Variants in CDC20B observed in about 807,000 individuals in gnomAD.
CDC20B encodes the protein cell division cycle protein 20 homolog B.
A neutral mutation model predicts 64.1 loss-of-function variants in CDC20B; 58 were observed. The observed-to-expected ratio is 0.90, with a 90% CI of 0.73 to 1.13. CDC20B has a LOEUF of 1.13. Among genes scored for constraint, CDC20B ranks in the 50% most tolerant of loss-of-function variants. CDC20B has a pLI of 0.00. For synonymous variants in CDC20B, 243 were observed against 230.6 expected, an observed-to-expected ratio of 1.05 and a Z score of -0.49; for missense variants, 597 against 633.0, an observed-to-expected ratio of 0.94 and a Z score of 0.61.
At chr5:55,135,824 A>T (rs547669408) in intron 5 of CDC20B, 1 of 150,688 alleles carries the variant, frequency 6.6e-6, no homozygotes, top group African/African-American at 2.4e-5. Context: ...TATGTGGCCC[A>T]AAACAATCCT....
intron 6 of CDC20B, among the ~76,000 whole-genome samples, chr5:55,129,491 T>G (rs542258355): frequency 4.7e-4 from 72 of 152,224 alleles, no homozygotes; most frequent in African/African-American, 1.7e-3. Context: ...ATATTTCTGG[T>G]CAGAGAAACC....
chr5:55,116,275 C>T (rs559267064), intron 11 of CDC20B, among the ~76,000 whole-genome samples: 6 of 152,262 alleles, frequency 3.9e-5, no homozygotes, highest in African/African-American at 1.4e-4. Context: ...CAGTGGCACA[C>T]GCCTGCAGTC....
At chr5:55,144,222 A>C (rs373327373) in intron 3 of CDC20B, among the ~76,000 whole-genome samples, 1 of 152,172 alleles carries the variant, frequency 6.6e-6, no homozygotes, top group South Asian at 2.1e-4. Flanking sequence ...TTTTAAAGAT[A>C]GTTTAAGATG....
In CDC20B at chr5:55,114,155, A is replaced by C; in HGVS notation, c.*63T>G. On this transcript the variant is annotated 3_prime_UTR_variant, in exon 12 of 12. Coordinates refer to ENST00000381375, the MANE Select transcript of CDC20B (RefSeq NM_001170402.1). The surrounding 1 kb of genome is among the most constrained non-coding windows in gnomAD (Gnocchi z 4.1). ...TACTCATAAAAACCCCATGGAGAAG[A>C]CATAGCCAACATCATCATCTTCACT... The C allele has an allele frequency of 6.4e-7, 1 of 1,563,102 alleles. No homozygotes were observed. Among genetic ancestry groups the C allele is most frequent in the South Asian group, 1.2e-5 (1 of 84,872 alleles).
At chr5:55,120,322 A>C (rs1742725403) in intron 10 of CDC20B, 103 bp downstream of exon 10, 1 of 1,342,718 alleles carries the variant, frequency 7.4e-7, no homozygotes, top group African/African-American at 1.5e-5. Context: ...TTATGGACTC[A>C]ATAGAGAAAG....
chr5:55,124,773 G>C (rs539908361), intron 9 of CDC20B, 30 bp downstream of exon 9: 11 of 1,583,124 alleles, frequency 6.9e-6, no homozygotes, highest in South Asian at 3.3e-5. Context: ...CTGAGTAACA[G>C]GAAACCTAGA....
At chr5:55,131,757 A>G (rs994743233) in intron 6 of CDC20B, among the ~76,000 whole-genome samples, 7 of 152,196 alleles carry the variant, frequency 4.6e-5, no homozygotes, top group African/African-American at 1.7e-4. Flanking sequence ...TGTACTGTCA[A>G]AGGGAGGAAA....
In CDC20B at chr5:55,124,965, T is replaced by C. The variant is rs777532280; in HGVS notation, c.1053A>G (p.Thr351=). ...DVRVAQHHVG[T]LRHKQAVCAL... ...CACACACAGCTTGCTTGTGGCGAAG[T>C]GTTCCAACATGATGCTGGGCTACCC... Residue 351 remains threonine (T), a synonymous_variant, in exon 9 of 12, where the codon ACA becomes ACG. Coordinates refer to ENST00000381375, the MANE Select transcript of CDC20B (RefSeq NM_001170402.1). 3 of 1,614,184 alleles carry C rather than the reference T, an allele frequency of 1.9e-6. No homozygotes were observed. The highest frequency in any genetic ancestry group is 1.3e-5 in the African/African-American group (1 of 75,042).
At chr5:55,130,940 A>C (rs943386061) in intron 6 of CDC20B, among the ~76,000 whole-genome samples, 9 of 152,116 alleles carry the variant, frequency 5.9e-5, no homozygotes, top group African/African-American at 2.2e-4. Context: ...TGAGGAGTAA[A>C]GTAAGACCCC....
intron 5 of CDC20B, among the ~76,000 whole-genome samples, chr5:55,139,481 T>G (rs1743270536): frequency 6.6e-6 from 1 of 151,990 alleles, no homozygotes. Context: ...AAAATGTTAT[T>G]GACAGCTACG....
chr5:55,142,362 A>T (rs527337972), intron 4 of CDC20B, among the ~76,000 whole-genome samples: 2 of 152,106 alleles, frequency 1.3e-5, no homozygotes, highest in East Asian at 3.9e-4. Flanking sequence ...TCTCCTTAAC[A>T]CCATAGAACA....
At chr5:55,154,785 A>G (rs767901303) in intron 2 of CDC20B, among the ~76,000 whole-genome samples, 4 of 152,226 alleles carry the variant, frequency 2.6e-5, no homozygotes, top group Non-Finnish European at 4.4e-5. Flanking sequence ...GTCATTTTAT[A>G]ATTTTTCAGG....
At chr5:55,146,919 C>T in intron 2 of CDC20B, 63 bp from the exon 3 acceptor site, 1 of 1,179,244 alleles carries the variant, frequency 8.5e-7, no homozygotes. Context: ...TAAAAATTCC[C>T]TATAAGAGAA....
chr5:55,127,144 CTATTT>C lies in CDC20B; in HGVS notation c.989+108_989+112del, dbSNP rs1279852563. The C allele has an allele frequency of 7.9e-6, 7 of 881,076 alleles. No individual in the cohort carries two copies. The East Asian group carries it at 1.5e-4, about 18-fold the overall frequency. The allele number at this position is 881,076 out of a possible 1,614,324, so 54.6% of individuals were successfully genotyped here. A position where few individuals can be genotyped will look rare whatever the true frequency, so the allele number is the denominator to read the frequency against. ...CATACCTGATATTAAGTCCAATGGCCTATTTTGTTTTATTTTTGATTGGTTTAGGT... is the reference window on the plus strand; with the variant it reads ...CATACCTGATATTAAGTCCAATGGCCTGTTTTATTTTTGATTGGTTTAGGT... On this transcript the variant is annotated intron_variant, in intron 8 of 11. Transcript: ENST00000381375.
chr5:55,143,621 CT>C lies in CDC20B; in HGVS notation c.377del (p.Lys126ArgfsTer40). On this transcript the variant is annotated frameshift_variant, in exon 4 of 12. Coordinates refer to ENST00000381375, the MANE Select transcript of CDC20B (RefSeq NM_001170402.1). LOFTEE classifies it high-confidence loss of function. ...LTLGSRKEQL[K>X]TPSKGISETS... Reference sequence around the variant, plus strand: ...TTTCAGAAATTCCTTTGCTGGGGGTCTTCAGTTGTTCTTTGCGGGATCCTAC... The same window carrying C: ...TTTCAGAAATTCCTTTGCTGGGGGTCTCAGTTGTTCTTTGCGGGATCCTAC... 6.2e-7 allele frequency: 1 copy of C among 1,602,744 alleles called. No homozygotes were observed.
Position 55,124,819 on chromosome 5 carries a change from T to G in CDC20B, c.1199A>C (p.Gln400Pro). 6.2e-7 allele frequency: 1 copy of G among 1,613,864 alleles called. No individual in the cohort carries two copies. ...GTTTCTTACCTTGACTGCCGTAGAC[T>G]GGGTTATGACTTTCAGCGGTTGGCC... The part of the protein sequence containing the change: ...AQGQPLKVIT[Q>P]STAVKAMDWC... The change falls in exon 9 of 12, where the codon CAG becomes CCG. Residue 400 changes from glutamine to proline, a missense_variant. Coordinates refer to ENST00000381375, the MANE Select transcript of CDC20B (RefSeq NM_001170402.1).
intron 5 of CDC20B, among the ~76,000 whole-genome samples, chr5:55,133,808 T>G (rs1743088470): frequency 6.6e-6 from 1 of 152,018 alleles, no homozygotes; most frequent in Admixed American, 6.6e-5. Flanking sequence ...TTGTGAGGAG[T>G]ACACAGAGAT....
chr5:55,136,763 A>G (rs1389504830), intron 5 of CDC20B: 1 of 152,104 alleles, frequency 6.6e-6, no homozygotes, highest in African/African-American at 2.4e-5. Flanking sequence ...TTCTCTCAAG[A>G]GGATTCTCAC....
At chr5:55,145,954 T>C (rs1743461938) in intron 3 of CDC20B, among the ~76,000 whole-genome samples, 1 of 152,176 alleles carries the variant, frequency 6.6e-6, no homozygotes, top group Non-Finnish European at 1.5e-5. Flanking sequence ...TACCAGTCAT[T>C]AAAATTCTAT....
Sources: allele counts gnomAD v4.1 joint callset (sites outside exome capture counted in the v4.1 genomes callset), GRCh38; gene constraint gnomAD v4.1.1; non-coding constraint Gnocchi (gnomAD v3.1); transcripts MANE v1.5; gene names NCBI Gene and HGNC (gene_info 2026-07-23, HGNC 2026-07-21).